The following CAST variants were observed in gnomAD, a reference collection of about 807,000 sequenced individuals.
CAST encodes calpastatin.
In CAST, 76 loss-of-function variants were observed where a neutral mutation model predicts 119.6. That is an observed-to-expected ratio of 0.64 (90% CI 0.53 to 0.77). The LOEUF (loss-of-function observed/expected upper bound fraction) is 0.77, where lower values mean the gene tolerates loss of function less well. CAST is among the 30% of genes least tolerant of loss of function. The pLI, the probability that CAST is intolerant of heterozygous loss-of-function variation, is 0.00. For synonymous variants in CAST, 319 were observed against 331.6 expected, an observed-to-expected ratio of 0.96 and a Z score of 0.41; for missense variants, 953 against 946.5, an observed-to-expected ratio of 1.01 and a Z score of -0.09.
At chr5:96,701,798 C>T (rs1753932186) in intron 3 of CAST, among the ~76,000 whole-genome samples, 1 of 143,818 alleles carries the variant, frequency 7.0e-6, no homozygotes, top group African/African-American at 2.6e-5. Context: ...TAGCGAGAAT[C>T]CCACCTCAAA....
chr5:96,584,200 G>A (rs552013551), intron 1 of CAST, among the ~76,000 whole-genome samples: 1 of 152,324 alleles, frequency 6.6e-6, no homozygotes, highest in African/African-American at 2.4e-5. Context: ...TTCTCATAAT[G>A]AGTCCACAAC....
intron 1 of CAST, among the ~76,000 whole-genome samples, chr5:96,540,366 C>A (rs949496322): frequency 2.6e-5 from 4 of 152,000 alleles, no homozygotes; most frequent in African/African-American, 9.6e-5. Context: ...GTTTATGGAT[C>A]CTTTCAGATT....
chr5:96,339,143 C>A, the CAST span, among the ~76,000 whole-genome samples: 1 of 152,050 alleles, frequency 6.6e-6, no homozygotes. Flanking sequence ...TGCCAGTTAC[C>A]AACACTAAGT....
the CAST span, chr5:96,079,089 T>TA: frequency 0.012 from 4,556 of 381,984 alleles, 70 homozygotes; most frequent in South Asian, 0.045. Context: ...CACTTAAAGT[T>TA]AAAAAAAAAC....
At chr5:96,763,269 G>T in intron 25 of CAST, 2 of 780,522 alleles carry the variant, frequency 2.6e-6, no homozygotes, top group Non-Finnish European at 4.8e-6. Flanking sequence ...GCCCAGACCT[G>T]GCCCCGGGCA....
At chr5:96,296,945 T>C in the CAST span, among the ~76,000 whole-genome samples, 8 of 152,226 alleles carry the variant, frequency 5.3e-5, no homozygotes, top group African/African-American at 1.9e-4. Context: ...ATTGCTTCTC[T>C]ACATTCGATA....
chr5:96,671,068 C>A (rs1404363098), intron 1 of CAST, among the ~76,000 whole-genome samples: 4 of 152,144 alleles, frequency 2.6e-5, no homozygotes, highest in African/African-American at 9.7e-5. Flanking sequence ...GTTGTAGTTG[C>A]CAACTATGTG....
At chr5:96,516,896 A>G in the CAST span, among the ~76,000 whole-genome samples, 2 of 152,246 alleles carry the variant, frequency 1.3e-5, no homozygotes, top group Non-Finnish European at 2.9e-5. Context: ...GAAAGGAACC[A>G]CAGCAATGAT....
intron 1 of CAST, among the ~76,000 whole-genome samples, chr5:96,554,356 A>G (rs1746192294): frequency 6.6e-6 from 1 of 152,232 alleles, no homozygotes; most frequent in Non-Finnish European, 1.5e-5. Context: ...AACCATATGC[A>G]GAAAACTGAA....
the CAST span, among the ~76,000 whole-genome samples, chr5:96,449,936 G>A: frequency 3.4e-4 from 52 of 152,114 alleles, no homozygotes; most frequent in Non-Finnish European, 1.0e-4. Context: ...TTTTTATGGA[G>A]CACTTTTTAA....
At chr5:96,189,969 C>T in the CAST span, among the ~76,000 whole-genome samples, 14 of 152,150 alleles carry the variant, frequency 9.2e-5, no homozygotes, top group African/African-American at 3.4e-4. Context: ...TGGTATTCCT[C>T]GTATGTCTGG....
chr5:96,279,698 T>A, the CAST span, among the ~76,000 whole-genome samples: 2 of 152,222 alleles, frequency 1.3e-5, no homozygotes, highest in South Asian at 2.1e-4. Context: ...CAGCTATACA[T>A]GGTATACTTG....
chr5:96,397,397 A>G, the CAST span: 4 of 1,611,310 alleles, frequency 2.5e-6, no homozygotes, highest in Non-Finnish European at 3.4e-6. Context: ...GTGAACAGAC[A>G]TGAAGTCCCA....
At chr5:96,011,365 C>A in the CAST span, among the ~76,000 whole-genome samples, 1 of 152,114 alleles carries the variant, frequency 6.6e-6, no homozygotes, top group African/African-American at 2.4e-5. Context: ...AGAAGGGCAA[C>A]AACTAATAGG....
chr5:96,100,799 G>A, the CAST span, among the ~76,000 whole-genome samples: 8 of 151,996 alleles, frequency 5.3e-5, no homozygotes, highest in Non-Finnish European at 1.0e-4. Flanking sequence ...TGAGGTATTT[G>A]CATATAGCCT....
At chr5:96,556,507 T>C (rs1746243577) in intron 1 of CAST, among the ~76,000 whole-genome samples, 1 of 151,752 alleles carries the variant, frequency 6.6e-6, no homozygotes, top group Non-Finnish European at 1.5e-5. Context: ...TGCAGAGAAG[T>C]CCTTAAAGGA....
the CAST span, among the ~76,000 whole-genome samples, chr5:96,015,534 TACTCCTATC>T: frequency 6.6e-6 from 1 of 152,290 alleles, no homozygotes; most frequent in African/African-American, 2.4e-5. Context: ...ATTCATTTAA[TACTCCTATC>T]ACTCCTGTTT....
the CAST span, among the ~76,000 whole-genome samples, chr5:96,346,545 A>C: frequency 6.6e-6 from 1 of 151,902 alleles, no homozygotes; most frequent in African/African-American, 2.4e-5. Flanking sequence ...CTACCCCTTG[A>C]CTCCTGGATT....
At chr5:96,333,381 G>T in the CAST span, among the ~76,000 whole-genome samples, 415 of 152,250 alleles carry the variant, frequency 2.7e-3, 6 homozygotes, top group African/African-American at 9.5e-3. Flanking sequence ...TTTTCCTGTT[G>T]ACTTAGACGC....
Sources: gnomAD v4.1 joint callset for allele counts (sites outside exome capture counted in the v4.1 genomes callset) on GRCh38, gnomAD v4.1.1 for gene constraint, MANE v1.5 for transcripts, NCBI Gene and HGNC (gene_info 2026-07-23, HGNC 2026-07-21) for gene names.